The following PLEKHM3 variants were observed in gnomAD, a reference collection of about 807,000 sequenced individuals.
The protein encoded by PLEKHM3 is pleckstrin homology domain containing M3, also known as pleckstrin homology domain-containing family M member 3.
Under a neutral mutation model 81.8 loss-of-function variants are expected in PLEKHM3, and 45 were observed. The observed-to-expected ratio is 0.55, with a 90% confidence interval of 0.43 to 0.71. The LOEUF (loss-of-function observed/expected upper bound fraction) is 0.71. Among genes scored for constraint, PLEKHM3 ranks in the 30% least tolerant of loss-of-function variants. The pLI is 0.00. For missense variants in PLEKHM3, 788 were observed against 924.3 expected (o/e 0.85, Z 1.91); for synonymous variants, 352 against 356.4 (o/e 0.99, Z 0.14).
intron 6 of PLEKHM3, among the ~76,000 whole-genome samples, chr2:207,889,024 CTA>C (rs1687968481): frequency 1.3e-5 from 2 of 152,302 alleles, no homozygotes; most frequent in Admixed American, 1.3e-4. Context: ...TAAATGGCCT[CTA>C]TGTTCTGGGG....
At chr2:207,881,755 C>T (rs1412491264) in intron 6 of PLEKHM3, among the ~76,000 whole-genome samples, 1 of 152,172 alleles carries the variant, frequency 6.6e-6, no homozygotes, top group African/African-American at 2.4e-5. Context: ...TGGCTCTGGG[C>T]TCCCTTCCTT....
chr2:208,012,779 T>C (rs1692746388), intron 1 of PLEKHM3, among the ~76,000 whole-genome samples: 2 of 152,210 alleles, frequency 1.3e-5, no homozygotes, highest in Admixed American at 6.5e-5. Context: ...CCCATCTACC[T>C]GAGAAAGCAG....
At chr2:207,913,958 C>T (rs530178023) in intron 5 of PLEKHM3, among the ~76,000 whole-genome samples, 23 of 152,082 alleles carry the variant, frequency 1.5e-4, no homozygotes, top group African/African-American at 2.4e-4. Flanking sequence ...CTCCCCTGAC[C>T]GCGCGTGTGC....
At chr2:207,929,007 T>A (rs1388575203) in intron 5 of PLEKHM3, among the ~76,000 whole-genome samples, 1 of 152,226 alleles carries the variant, frequency 6.6e-6, no homozygotes, top group Non-Finnish European at 1.5e-5. Flanking sequence ...ACTGAGCTAC[T>A]AGCTATTACT....
intron 2 of PLEKHM3, among the ~76,000 whole-genome samples, chr2:207,990,016 A>G (rs1310311423): frequency 3.9e-5 from 6 of 152,202 alleles, no homozygotes; most frequent in Admixed American, 1.3e-4. Context: ...ACTTGCCAAT[A>G]AGTCACTCCT....
intron 7 of PLEKHM3, among the ~76,000 whole-genome samples, chr2:207,833,433 C>A (rs2092299880): frequency 6.6e-6 from 1 of 151,986 alleles, no homozygotes; most frequent in Non-Finnish European, 1.5e-5. Flanking sequence ...CCTCCCTTTG[C>A]AGTGTCTGCA....
Position 207,873,615 on chromosome 2 carries a change from C to T in PLEKHM3, c.1951-12353G>A, listed in dbSNP as rs10168314. Among the ~76,000 whole-genome samples the T allele has an allele frequency of 6.4e-3, 968 of 152,290 alleles. 11 individuals carry two copies. Among genetic ancestry groups the T allele is most frequent in the African/African-American group, 0.022 (920 of 41,554 alleles). Reference sequence around the variant, plus strand: ...AACAAAAGTGAAATAATGTCACCAGCTTTTTGTTCCCCTGCCTGCTGAGCT... The same window carrying T: ...AACAAAAGTGAAATAATGTCACCAGTTTTTTGTTCCCCTGCCTGCTGAGCT... On this transcript the variant is annotated intron_variant, in intron 6 of 7. Coordinates refer to ENST00000427836, the MANE Select transcript of PLEKHM3 (RefSeq NM_001080475.3).
chr2:207,938,348 T>C (rs988057208), intron 4 of PLEKHM3, among the ~76,000 whole-genome samples: 299 of 152,306 alleles, frequency 2.0e-3, no homozygotes, highest in African/African-American at 6.8e-3. Flanking sequence ...AAATCCTGCT[T>C]TAAAAATAAT....
chr2:207,925,342 C>T (rs976823871), intron 5 of PLEKHM3, among the ~76,000 whole-genome samples: 1 of 152,138 alleles, frequency 6.6e-6, no homozygotes, highest in African/African-American at 2.4e-5. Context: ...TGTGGCAATT[C>T]CCTGAATCCC....
chr2:207,879,873 A>T (rs1004969526), intron 6 of PLEKHM3, among the ~76,000 whole-genome samples: 3 of 152,180 alleles, frequency 2.0e-5, no homozygotes, highest in African/African-American at 7.2e-5. Context: ...GTAAAAAAAA[A>T]TACCCTAACA....
intron 6 of PLEKHM3, among the ~76,000 whole-genome samples, chr2:207,893,996 A>G (rs927374510): frequency 9.9e-5 from 15 of 152,136 alleles, no homozygotes; most frequent in Non-Finnish European, 2.1e-4. Flanking sequence ...GCACACCTGT[A>G]GTTTCAGCTA....
chr2:207,837,873 C>T (rs576442572), intron 7 of PLEKHM3, among the ~76,000 whole-genome samples: 8 of 143,948 alleles, frequency 5.6e-5, no homozygotes, highest in Non-Finnish European at 9.0e-5. Context: ...CGGGTTCAAG[C>T]GATTCTCCTG....
chr2:207,927,780 A>G (rs1323197053), intron 5 of PLEKHM3, among the ~76,000 whole-genome samples: 1 of 152,186 alleles, frequency 6.6e-6, no homozygotes, highest in Non-Finnish European at 1.5e-5. Context: ...CAGTGAGCCA[A>G]GATCGTGCCA....
At chr2:207,974,877 G>A (rs1181663925) in intron 3 of PLEKHM3, among the ~76,000 whole-genome samples, 1 of 151,106 alleles carries the variant, frequency 6.6e-6, no homozygotes, top group Non-Finnish European at 1.5e-5. Flanking sequence ...TGTCAACCAG[G>A]CTGGAGTGCA....
intron 4 of PLEKHM3, among the ~76,000 whole-genome samples, chr2:207,932,377 A>G (rs1002308549): frequency 5.3e-5 from 8 of 152,234 alleles, no homozygotes; most frequent in African/African-American, 1.7e-4. Flanking sequence ...TAGATTGGCT[A>G]CTAATACATA....
chr2:207,992,961 A>G (rs1430946469), intron 2 of PLEKHM3, among the ~76,000 whole-genome samples: 2 of 152,184 alleles, frequency 1.3e-5, no homozygotes, highest in African/African-American at 4.8e-5. Flanking sequence ...TTGGGAAGAT[A>G]CCTGGATGCT....
intron 1 of PLEKHM3, among the ~76,000 whole-genome samples, chr2:208,013,628 C>T (rs1406228700): frequency 1.3e-5 from 2 of 152,164 alleles, no homozygotes; most frequent in African/African-American, 2.4e-5. Context: ...CTAACAACCA[C>T]ACATGGAAGG....
In PLEKHM3 at chr2:207,872,616, T is replaced by A. The variant is rs141042410; in HGVS notation, c.1951-11354A>T. Among the ~76,000 whole-genome samples the A allele has an allele frequency of 7.4e-3, 1,122 of 152,228 alleles. 15 individuals carry two copies. The highest frequency in any genetic ancestry group is 0.025 in the African/African-American group (1,021 of 41,562). On this transcript the variant is annotated intron_variant, in intron 6 of 7. Transcript: ENST00000427836. ...ACTTTGGGAGGCTGAGGGGGATGGA[T>A]CACCTGAGGTCAGGAGTTTGAGACC... is the stretch of plus-strand genomic sequence containing the variant.
At position 207,828,437 on chromosome 2, in the gene PLEKHM3, G is replaced by A. The variant is rs751273143; in HGVS notation, c.2168C>T (p.Pro723Leu). 3.5e-5 allele frequency: 57 copies of A among 1,613,936 alleles called. 1 individual carries two copies. The highest frequency in any genetic ancestry group is 6.7e-5 in the Admixed American group (4 of 59,978). The change falls in exon 8 of 8, where the codon CCG (proline) becomes CTG (leucine). Residue 723 changes from proline (P) to leucine (L), a missense_variant. Physicochemically the swap from Pro to Leu is moderately conservative, Grantham distance 98. Transcript: ENST00000427836. ...SECKEKSVPC[P>L]RCVRRELQKK... is the part of the protein sequence containing the mutation. ...CTGCAGCTCTCGGCGAACACACCTC[G>A]GGCAGGGGACAGACTTTTCTTTGCA...
Sources: gnomAD v4.1 joint callset for allele counts (sites outside exome capture counted in the v4.1 genomes callset) on GRCh38, gnomAD v4.1.1 for gene constraint, MANE v1.5 for transcripts, NCBI Gene and HGNC (gene_info 2026-07-23, HGNC 2026-07-21) for gene names.